Variants in C2orf66 observed in about 807,000 individuals in gnomAD.
C2orf66 encodes uncharacterized protein C2orf66.
A neutral mutation model predicts 7.0 loss-of-function variants in C2orf66; 6 were observed. The ratio of observed to expected loss-of-function variants is 0.86; its 90% CI spans 0.47 to 1.69. The LOEUF (loss-of-function observed/expected upper bound fraction) is 1.69, where lower values mean the gene tolerates loss of function less well. Among genes scored for constraint, C2orf66 ranks in the 40% most tolerant of loss-of-function variants. The pLI is 0.01. For missense variants in C2orf66, 107 were observed against 112.0 expected, an observed-to-expected ratio of 0.96 and a Z score of 0.20; for synonymous variants, 38 against 43.8, an observed-to-expected ratio of 0.87 and a Z score of 0.52.
At chr2:196,828,116 G>C in the C2orf66 span, among the ~76,000 whole-genome samples, 3 of 151,936 alleles carry the variant, frequency 2.0e-5, no homozygotes, top group African/African-American at 7.3e-5. Context: ...CATTTGATAA[G>C]GCAAGCTGGT....
intron 2 of C2orf66, among the ~76,000 whole-genome samples, chr2:196,806,307 C>T (rs1024094092): frequency 1.3e-5 from 2 of 152,148 alleles, no homozygotes; most frequent in South Asian, 4.2e-4. Context: ...ACGCCATTCT[C>T]CTGCCTCAGC....
At chr2:196,831,303 C>T in the C2orf66 span, among the ~76,000 whole-genome samples, 2 of 152,124 alleles carry the variant, frequency 1.3e-5, no homozygotes, top group Non-Finnish European at 2.9e-5. Flanking sequence ...CCAGAACCTT[C>T]GAAAAGGCCC....
At chr2:196,809,383 A>C (rs201885330), upstream of C2orf66, 1 of 1,610,940 alleles carries the variant, frequency 6.2e-7, no homozygotes, top group East Asian at 2.2e-5. Flanking sequence ...GCTGTCAATG[A>C]TCATTGAGAG....
rs938279496 is a variant in C2orf66 at position 196,809,091 on chromosome 2, G to A, written c.123+123C>T. On this transcript the variant is annotated intron_variant, in intron 1 of 2. Coordinates refer to ENST00000342506, the MANE Select transcript of C2orf66 (RefSeq NM_213608.3). ...GTAAAACTCTGGTCCAATCCTGTTG[G>A]AGAATTTTCTCAACCCTTGGTAGCC... 15 of 1,040,136 alleles carry A rather than the reference G, an allele frequency of 1.4e-5. No individual in the cohort carries two copies. In the Admixed American group the frequency reaches 2.5e-4, roughly 17 times the overall value. The allele number at this position is 1,040,136 out of a possible 1,614,324, so 64.4% of individuals were successfully genotyped here. A position where few individuals can be genotyped will look rare whatever the true frequency, so the allele number is the denominator to read the frequency against.
the C2orf66 span, among the ~76,000 whole-genome samples, chr2:196,818,375 C>A: frequency 6.6e-6 from 1 of 152,246 alleles, no homozygotes; most frequent in Non-Finnish European, 1.5e-5. Flanking sequence ...CTCACAGCTG[C>A]TGCTTCCATC....
the C2orf66 span, among the ~76,000 whole-genome samples, chr2:196,819,124 T>C: frequency 2.0e-5 from 3 of 152,228 alleles, no homozygotes; most frequent in Admixed American, 1.3e-4. Flanking sequence ...TTCTCTCTGT[T>C]TGCTTCTTCA....
At position 196,804,697 on chromosome 2, in the gene C2orf66, T is replaced by C. The variant is rs910572344; in HGVS notation, c.*731A>G. 6.2e-4 allele frequency among the ~76,000 whole-genome samples: 94 copies of C among 152,248 alleles called. 7 individuals carry two copies. Among genetic ancestry groups the C allele is most frequent in the Admixed American group, 3.3e-4 (5 of 15,288 alleles). ...GGAAAGAGAGGAAATCACCTGTTTCTACTTTTCCTTCCTGAGGAGGTTGTG... is the reference window on the plus strand; with the variant it reads ...GGAAAGAGAGGAAATCACCTGTTTCCACTTTTCCTTCCTGAGGAGGTTGTG... On this transcript the variant is annotated 3_prime_UTR_variant, in exon 3 of 3. Coordinates refer to ENST00000342506, the MANE Select transcript of C2orf66 (RefSeq NM_213608.3).
At chr2:196,819,699 T>G in the C2orf66 span, among the ~76,000 whole-genome samples, 3 of 152,220 alleles carry the variant, frequency 2.0e-5, no homozygotes, top group Admixed American at 6.5e-5. Flanking sequence ...CTTCAGAGGT[T>G]GGTATAATGC....
At chr2:196,813,084 A>C (rs991904265), upstream of C2orf66, among the ~76,000 whole-genome samples, 28 of 152,210 alleles carry the variant, frequency 1.8e-4, no homozygotes, top group African/African-American at 2.4e-5. Context: ...CAACTACTGT[A>C]AATTTCATAT....
At chr2:196,809,608 A>G, upstream of C2orf66, 1 of 358,822 alleles carries the variant, frequency 2.8e-6, no homozygotes, top group South Asian at 1.2e-4. Flanking sequence ...AACATAACAT[A>G]GAAAGTCTGA....
chr2:196,822,583 A>C, the C2orf66 span, among the ~76,000 whole-genome samples: 1 of 152,128 alleles, frequency 6.6e-6, no homozygotes, highest in Admixed American at 6.5e-5. Context: ...CCCCTTCCCC[A>C]TTCCTTTATT....
At chr2:196,825,618 T>C in the C2orf66 span, among the ~76,000 whole-genome samples, 2 of 152,170 alleles carry the variant, frequency 1.3e-5, no homozygotes, top group Admixed American at 6.5e-5. Context: ...GGAGACAATC[T>C]CAAAGGGTTA....
In C2orf66 at chr2:196,807,584, A is replaced by T; in HGVS notation, c.162T>A (p.Gly54=). 6.2e-7 allele frequency: 1 copy of T among 1,613,532 alleles called. No homozygotes were observed. The highest frequency in any genetic ancestry group is 1.1e-5 in the South Asian group (1 of 90,876). Residue 54 remains glycine, a synonymous_variant, in exon 2 of 3, where the codon GGT becomes GGA. Transcript: ENST00000342506. The part of the protein sequence containing the change: ...RRLQAYFKGR[G]LDLGTFPNPF... ...GATTTGGAAATGTTCCAAGATCAAG[A>T]CCTCTGCCCTTAAAATATGCCTGAA...
At chr2:196,830,218 T>A in the C2orf66 span, among the ~76,000 whole-genome samples, 2 of 152,196 alleles carry the variant, frequency 1.3e-5, no homozygotes, top group African/African-American at 4.8e-5. Flanking sequence ...TCACCAAACT[T>A]GATTGAGAAT....
chr2:196,817,949 T>C, the C2orf66 span, among the ~76,000 whole-genome samples: 1 of 152,226 alleles, frequency 6.6e-6, no homozygotes, highest in Non-Finnish European at 1.5e-5. Context: ...TGCATTGATT[T>C]CATATTCTTC....
Position 196,804,525 on chromosome 2 carries a change from AT to A in C2orf66, c.*902del, listed in dbSNP as rs34751515. ...CAGACTAATGTTAGGACAATGTTGC[AT>A]TTTAGTGCAACATTCCTTTTGCAGG... On this transcript the variant is annotated 3_prime_UTR_variant, in exon 3 of 3. Coordinates refer to ENST00000342506, the MANE Select transcript of C2orf66 (RefSeq NM_213608.3). Among the ~76,000 whole-genome samples, 1 of 152,238 alleles carries A rather than the reference AT, an allele frequency of 6.6e-6. No individual in the cohort carries two copies. Among genetic ancestry groups the A allele is most frequent in the Non-Finnish European group, 1.5e-5 (1 of 68,032 alleles).
At chr2:196,825,948 C>A in the C2orf66 span, among the ~76,000 whole-genome samples, 1 of 152,100 alleles carries the variant, frequency 6.6e-6, no homozygotes, top group Non-Finnish European at 1.5e-5. Flanking sequence ...GTATATGATT[C>A]ATGTATTATA....
At chr2:196,829,358 G>A in the C2orf66 span, among the ~76,000 whole-genome samples, 1 of 152,172 alleles carries the variant, frequency 6.6e-6, no homozygotes, top group African/African-American at 2.4e-5. Context: ...GGGAGCCGAG[G>A]CAGGTGGATC....
At chr2:196,817,402 T>C in the C2orf66 span, among the ~76,000 whole-genome samples, 2 of 151,812 alleles carry the variant, frequency 1.3e-5, no homozygotes, top group Non-Finnish European at 2.9e-5. Context: ...TCCTGGCTAA[T>C]TTTTTTGTAT....
Sources: gnomAD v4.1 joint callset for allele counts (sites outside exome capture counted in the v4.1 genomes callset) on GRCh38, gnomAD v4.1.1 for gene constraint, MANE v1.5 for transcripts, NCBI Gene and HGNC (gene_info 2026-07-23, HGNC 2026-07-21) for gene names.